MYO5C: variants seen among roughly 807,000 people sequenced by gnomAD.
The protein encoded by MYO5C is myosin VC.
MYO5C carries 194 observed loss-of-function variants against 235.7 expected under a neutral mutation model. The ratio of observed to expected loss-of-function variants is 0.82; its 90% confidence interval spans 0.73 to 0.93. The LOEUF (loss-of-function observed/expected upper bound fraction) is 0.93. Ranked by LOEUF, MYO5C falls within the 40% of genes least tolerant of loss-of-function variation. MYO5C has a pLI of 0.00. For missense variants in MYO5C, 2,038 were observed against 2,127.2 expected (o/e 0.96, Z 0.82); for synonymous variants, 707 against 754.8 (o/e 0.94, Z 1.04).
chr15:52,259,001 T>A lies in MYO5C; in HGVS notation c.1313+1861A>T, dbSNP rs1337358245. On this transcript the variant is annotated intron_variant, in intron 10 of 40. Transcript: ENST00000261839. ...CTTCCTCCCTTCCCAGGACTCATCC[T>A]AACCTCTACTGCCGGCCTGCTGCCC... Among the ~76,000 whole-genome samples, 3 of 152,168 alleles carry A rather than the reference T, an allele frequency of 2.0e-5. No homozygotes were observed. The East Asian group carries it at 5.8e-4, about 29-fold the overall frequency.
intron 38 of MYO5C, among the ~76,000 whole-genome samples, chr15:52,197,289 T>C (rs982913333): frequency 1.3e-5 from 2 of 152,178 alleles, no homozygotes; most frequent in Non-Finnish European, 2.9e-5. Flanking sequence ...ATCCATGCAA[T>C]GGGGTATTAT....
intron 1 of MYO5C, among the ~76,000 whole-genome samples, chr15:52,288,727 G>C (rs75653920): frequency 0.056 from 8,486 of 152,266 alleles, 456 homozygotes; most frequent in African/African-American, 0.14. Context: ...CCAGAATATG[G>C]GGCCTTCCCA....
chr15:52,241,255 T>C (rs1344698038), intron 20 of MYO5C, among the ~76,000 whole-genome samples: 5 of 125,938 alleles, frequency 4.0e-5, no homozygotes, highest in African/African-American at 1.5e-4. Flanking sequence ...CTAATCTTTT[T>C]TTTTTTTTTT....
At chr15:52,245,225 G>T in intron 18 of MYO5C, 129 bp downstream of exon 18, 1 of 734,966 alleles carries the variant, frequency 1.4e-6, no homozygotes, top group Non-Finnish European at 2.5e-6. Flanking sequence ...AAATGCTCAG[G>T]GCACATTTTC....
chr15:52,224,985 C>T lies in MYO5C; in HGVS notation c.3366-4G>A, dbSNP rs375490781. On this transcript the variant is annotated splice_region_variant and splice_polypyrimidine_tract_variant and intron_variant, in intron 27 of 40. Transcript: ENST00000261839. ...TTCCAGATCTTCCACAGAGAGCCTG[C>T]AAAATAAGGAAGATAAGAAAATCTA... is the stretch of plus-strand genomic sequence containing the variant. 1.4e-5 allele frequency: 23 copies of T among 1,613,866 alleles called. No homozygotes were observed. The East Asian group carries it at 2.0e-4, about 14-fold the overall frequency.
At position 52,195,576 on chromosome 15, in the gene MYO5C, T is replaced by C. The variant is rs1191631695; in HGVS notation, c.4996-119A>G. On this transcript the variant is annotated intron_variant, in intron 39 of 40. Coordinates refer to ENST00000261839, the MANE Select transcript of MYO5C (RefSeq NM_018728.4). ...ACAGGTGGTTCTTTTAGCCTATAAT[T>C]TGGTTCAGGAACTGTATGTTACCTA... is the stretch of plus-strand genomic sequence containing the variant. The C allele has an allele frequency of 1.5e-5, 9 of 607,076 alleles. No homozygotes were observed. In the African/African-American group the frequency reaches 1.5e-4, roughly 10 times the overall value. The allele number at this position is 607,076 out of a possible 1,614,324, so 37.6% of individuals were successfully genotyped here. A position where few individuals can be genotyped will look rare whatever the true frequency, so the allele number is the denominator to read the frequency against.
chr15:52,287,876 T>G (rs1467409835), intron 1 of MYO5C, among the ~76,000 whole-genome samples: 2 of 151,850 alleles, frequency 1.3e-5, no homozygotes, highest in African/African-American at 4.8e-5. Flanking sequence ...CTTGGGAGGC[T>G]GAGGCAGGAG....
At chr15:52,195,731 C>A (rs986628724) in intron 39 of MYO5C, among the ~76,000 whole-genome samples, 1 of 152,082 alleles carries the variant, frequency 6.6e-6, no homozygotes, top group Middle Eastern at 3.2e-3. Flanking sequence ...TCCACATACA[C>A]ATTTGTGAGT....
chr15:52,231,603 G>A (rs548627725), intron 24 of MYO5C, among the ~76,000 whole-genome samples: 2 of 152,294 alleles, frequency 1.3e-5, no homozygotes, highest in South Asian at 2.1e-4. Context: ...CTCCTGGAGC[G>A]ATTCTGTGAT....
intron 29 of MYO5C, among the ~76,000 whole-genome samples, chr15:52,222,643 T>C (rs1246609918): frequency 6.6e-6 from 1 of 150,454 alleles, no homozygotes; most frequent in African/African-American, 2.5e-5. Context: ...GGGCAGTGAA[T>C]GGGAGGTGTG....
intron 22 of MYO5C, among the ~76,000 whole-genome samples, 156 bp from the exon 23 acceptor site, chr15:52,235,919 C>T (rs2036072245): frequency 2.0e-5 from 3 of 152,224 alleles, no homozygotes; most frequent in South Asian, 2.1e-4. Flanking sequence ...CACTGTAAGA[C>T]GCTGCCATTT....
intron 6 of MYO5C, 126 bp from the exon 7 acceptor site, chr15:52,271,970 G>T: frequency 3.9e-6 from 2 of 518,584 alleles, no homozygotes; most frequent in Non-Finnish European, 6.6e-6. Flanking sequence ...ATGTGATCTG[G>T]CCAGTTCACA....
chr15:52,219,183 G>T (rs1040285275), intron 31 of MYO5C, among the ~76,000 whole-genome samples: 10 of 152,156 alleles, frequency 6.6e-5, no homozygotes, highest in African/African-American at 2.4e-4. Context: ...GATGTCAAGT[G>T]CCCATTTATT....
chr15:52,251,519 G>A lies in MYO5C; in HGVS notation c.1537-4C>T. 1.3e-6 allele frequency: 2 copies of A among 1,586,704 alleles called. No individual in the cohort carries two copies. The highest frequency in any genetic ancestry group is 1.4e-5 in the African/African-American group (1 of 73,738). ...TTTCATCAGTTCCATGTGGTAACTGGAAAAGAAAAATAAACCAAATAGCAA... is the reference window on the plus strand; with the variant it reads ...TTTCATCAGTTCCATGTGGTAACTGAAAAAGAAAAATAAACCAAATAGCAA... On this transcript the variant is annotated splice_polypyrimidine_tract_variant and splice_region_variant and intron_variant, in intron 12 of 40. Coordinates refer to ENST00000261839, the MANE Select transcript of MYO5C (RefSeq NM_018728.4).
intron 1 of MYO5C, among the ~76,000 whole-genome samples, chr15:52,286,352 T>A (rs1596235342): frequency 6.7e-6 from 1 of 149,148 alleles, no homozygotes; most frequent in East Asian, 2.0e-4. Context: ...AGCCGCCCCG[T>A]CCGGGAGGTG....
chr15:52,239,780 G>A lies in MYO5C; in HGVS notation c.2656C>T (p.Gln886Ter). The change falls in exon 21 of 41, where the codon CAG becomes TAG. Residue 886 changes from glutamine to a stop codon, truncating the protein, a stop_gained. Coordinates refer to ENST00000261839, the MANE Select transcript of MYO5C (RefSeq NM_018728.4). LOFTEE classifies it high-confidence loss of function. ...QSIRRFVLNI[Q>*]LTYRVQRLQK... ...AAACGCTGGACCCTGTAAGTAAGCT[G>A]AATATTAAGCACGAATCGTCGGATA... The A allele has an allele frequency of 1.2e-6, 2 of 1,613,172 alleles. No homozygotes were observed. Among genetic ancestry groups the A allele is most frequent in the South Asian group, 1.1e-5 (1 of 90,822 alleles).
At chr15:52,215,185 C>T (rs2035526310) in intron 32 of MYO5C, among the ~76,000 whole-genome samples, 1 of 152,112 alleles carries the variant, frequency 6.6e-6, no homozygotes, top group Non-Finnish European at 1.5e-5. Context: ...TAGGAGTGCC[C>T]ATCATAGAGA....
intron 32 of MYO5C, among the ~76,000 whole-genome samples, chr15:52,216,675 C>T (rs559515903): frequency 2.6e-5 from 4 of 152,082 alleles, no homozygotes; most frequent in South Asian, 2.1e-4. Flanking sequence ...TGACTCAAAG[C>T]ATCACATAGT....
In MYO5C at chr15:52,253,458, C is replaced by A. The variant is rs945285622; in HGVS notation, c.1396-1G>T. The stretch of plus-strand genomic sequence containing the variant: ...CTTCTTGTTCCAGTTTGAAGACATG[C>A]TGGGAATCCAAAGTTAATACAGAAA... On this transcript the variant is annotated splice_acceptor_variant, in intron 11 of 40. Coordinates refer to ENST00000261839, the MANE Select transcript of MYO5C (RefSeq NM_018728.4). LOFTEE classifies it high-confidence loss of function. 1 of 1,611,294 alleles carries A rather than the reference C, an allele frequency of 6.2e-7. No homozygotes were observed. The highest frequency in any genetic ancestry group is 1.3e-5 in the African/African-American group (1 of 74,794).
Sources: gnomAD v4.1 joint callset for allele counts (sites outside exome capture counted in the v4.1 genomes callset) on GRCh38, gnomAD v4.1.1 for gene constraint, MANE v1.5 for transcripts, NCBI Gene and HGNC (gene_info 2026-07-23, HGNC 2026-07-21) for gene names.